ANK3: variants seen among roughly 807,000 people sequenced by gnomAD.
ANK3 encodes the protein ankyrin 3.
A neutral mutation model predicts 370.9 loss-of-function variants in ANK3; 57 were observed. That is an observed-to-expected ratio of 0.15 (90% CI 0.12 to 0.19). The LOEUF is 0.19. ANK3 is among the 10% of genes least tolerant of loss of function. ANK3 has a pLI of 1.00. For synonymous variants in ANK3, 1,929 were observed against 1,946.3 expected (o/e 0.99, Z 0.23); for missense variants, 4,439 against 5,302.1 (o/e 0.84, Z 5.06).
chr10:60,422,245 A>G (rs2063793620), intron 2 of ANK3, among the ~76,000 whole-genome samples: 1 of 152,146 alleles, frequency 6.6e-6, no homozygotes, highest in Non-Finnish European at 1.5e-5. Flanking sequence ...AGTTACTAAA[A>G]AGCCACAAGG....
chr10:60,120,839 T>C (rs2093423042), intron 25 of ANK3, among the ~76,000 whole-genome samples: 1 of 152,140 alleles, frequency 6.6e-6, no homozygotes, highest in African/African-American at 2.4e-5. Context: ...AACCAGGATT[T>C]GGAGAAAAGG....
At chr10:60,277,219 C>T (rs2098104199) in intron 4 of ANK3, among the ~76,000 whole-genome samples, 1 of 152,216 alleles carries the variant, frequency 6.6e-6, no homozygotes, top group Middle Eastern at 3.4e-3. Context: ...TCTGTGAACC[C>T]ATAAAACAGA....
intron 25 of ANK3, among the ~76,000 whole-genome samples, chr10:60,132,011 T>C (rs1257669801): frequency 6.6e-6 from 1 of 152,186 alleles, no homozygotes; most frequent in Non-Finnish European, 1.5e-5. Context: ...CCTTAGAGTG[T>C]AGAGAATAAC....
chr10:60,425,019 A>G (rs566461540), intron 2 of ANK3, among the ~76,000 whole-genome samples: 30 of 152,204 alleles, frequency 2.0e-4, no homozygotes, highest in African/African-American at 7.2e-4. Flanking sequence ...AAGACACAGA[A>G]AAAGGAAGCA....
At chr10:60,243,702 G>A (rs2097508919) in intron 7 of ANK3, among the ~76,000 whole-genome samples, 1 of 152,194 alleles carries the variant, frequency 6.6e-6, no homozygotes, top group South Asian at 2.1e-4. Flanking sequence ...TATATTATTT[G>A]TATTACTTAT....
At chr10:60,530,542 C>T (rs2076580547) in intron 2 of ANK3, among the ~76,000 whole-genome samples, 2 of 151,666 alleles carry the variant, frequency 1.3e-5, no homozygotes, top group African/African-American at 4.8e-5. Context: ...GCAAATGAGG[C>T]ACCTCAGGCA....
chr10:60,703,186 T>C (rs763377503), intron 1 of ANK3, among the ~76,000 whole-genome samples: 1 of 152,162 alleles, frequency 6.6e-6, no homozygotes. Context: ...TTGAACTTAG[T>C]GGATATTTGA....
chr10:60,202,175 G>A (rs1475468521), intron 12 of ANK3, among the ~76,000 whole-genome samples: 2 of 151,966 alleles, frequency 1.3e-5, no homozygotes, highest in African/African-American at 4.8e-5. Flanking sequence ...AGGCTGGAGT[G>A]CAATGGCTCA....
At chr10:60,482,230 T>C (rs534606332) in intron 2 of ANK3, among the ~76,000 whole-genome samples, 19 of 152,274 alleles carry the variant, frequency 1.2e-4, no homozygotes, top group African/African-American at 3.6e-4. Context: ...TCACAGGGCA[T>C]TGGACCTGAA....
intron 36 of ANK3, 49 bp from the exon 37 acceptor site, chr10:60,076,497 T>C (rs2083851872): frequency 6.6e-7 from 1 of 1,522,902 alleles, no homozygotes; most frequent in African/African-American, 1.4e-5. Flanking sequence ...TCAACAAAAA[T>C]GGTTGAGAAA....
At chr10:60,244,596 A>C (rs1040676894) in intron 7 of ANK3, among the ~76,000 whole-genome samples, 1 of 152,194 alleles carries the variant, frequency 6.6e-6, no homozygotes, top group African/African-American at 2.4e-5. Flanking sequence ...TTTACATTTA[A>C]AACACATACA....
Position 60,166,529 on chromosome 10 carries a change from TAAG to T in ANK3, c.2614+59_2614+61del, listed in dbSNP as rs778216242. The T allele has an allele frequency of 6.4e-6, 8 of 1,242,592 alleles. No individual in the cohort carries two copies. The African/African-American group carries it at 9.0e-5, about 14-fold the overall frequency. The allele number at this position is 1,242,592 out of a possible 1,614,324, so 77.0% of individuals were successfully genotyped here. ...TCAAGGAAATATTATATTTCAAAGA[TAAG>T]AAATGAAAGATAAAGTTGGTAGTAG... On this transcript the variant is annotated intron_variant, in intron 23 of 43. Coordinates refer to ENST00000280772, the MANE Select transcript of ANK3 (RefSeq NM_020987.5).
At chr10:60,112,829 T>C (rs2092810509) in intron 26 of ANK3, among the ~76,000 whole-genome samples, 1 of 152,208 alleles carries the variant, frequency 6.6e-6, no homozygotes, top group South Asian at 2.1e-4. Flanking sequence ...TCATATAATA[T>C]ATGAAGCACT....
intron 7 of ANK3, among the ~76,000 whole-genome samples, chr10:60,248,763 A>G (rs2097595569): frequency 6.6e-6 from 1 of 152,208 alleles, no homozygotes; most frequent in Non-Finnish European, 1.5e-5. Flanking sequence ...ATGGCTAGAA[A>G]ATACCAGAGC....
intron 2 of ANK3, among the ~76,000 whole-genome samples, chr10:60,525,598 G>A (rs2076450292): frequency 6.6e-6 from 1 of 152,102 alleles, no homozygotes. Context: ...TGTCCTATAT[G>A]ACTGTAGTCC....
intron 2 of ANK3, among the ~76,000 whole-genome samples, chr10:60,412,401 A>C (rs1021829180): frequency 1.6e-4 from 24 of 152,252 alleles, no homozygotes; most frequent in Admixed American, 1.4e-3. Context: ...AGACCTTCAG[A>C]TCCACATTGG....
chr10:60,716,604 C>T (rs1315738050), intron 1 of ANK3, among the ~76,000 whole-genome samples: 1 of 152,160 alleles, frequency 6.6e-6, no homozygotes, highest in East Asian at 1.9e-4. Flanking sequence ...ACCTCCACCT[C>T]CTGGGCTCAA....
At chr10:60,391,396 A>G (rs2132875823), upstream of ANK3, among the ~76,000 whole-genome samples, 1 of 152,382 alleles carries the variant, frequency 6.6e-6, no homozygotes, top group South Asian at 2.1e-4. Flanking sequence ...CTCCAAAAGC[A>G]GATGAAAGGT....
Position 60,084,621 on chromosome 10 carries a change from G to A in ANK3, c.4055C>T (p.Ala1352Val), listed in dbSNP as rs889360867. The part of the protein sequence containing the change: ...LEQQENFEEV[A>V]RSKDIEVLEG... ...AGGTACCTCAATATCTTTGCTTCTT[G>A]CGACTTCCTCAAAATTCTCTTGTTG... Residue 1352 changes from alanine to valine, a missense_variant, in exon 32 of 44, where the codon GCA (alanine) becomes GTA (valine). By Grantham distance (64) the Ala-to-Val change is moderately conservative. This residue lies in a region of ANK3 where 702 missense variants were observed against 941.5 expected (regional missense o/e 0.75). Coordinates refer to ENST00000280772, the MANE Select transcript of ANK3 (RefSeq NM_020987.5). 1 of 1,613,742 alleles carries A rather than the reference G, an allele frequency of 6.2e-7. No homozygotes were observed. The highest frequency in any genetic ancestry group is 8.5e-7 in the Non-Finnish European group (1 of 1,179,862).
Sources: gnomAD v4.1 joint callset for allele counts (sites outside exome capture counted in the v4.1 genomes callset) on GRCh38, gnomAD v4.1.1 for gene constraint, gnomAD v4.1.1 regional missense constraint, MANE v1.5 for transcripts, NCBI Gene and HGNC (gene_info 2026-07-23, HGNC 2026-07-21) for gene names.